The following MACF1 variants were observed in gnomAD, a reference collection of about 807,000 sequenced individuals.
MACF1 encodes the protein microtubule actin crosslinking factor 1, also known as microtubule-actin cross-linking factor 1.
Under a neutral mutation model 854.8 loss-of-function variants are expected in MACF1, and 193 were observed. That is an observed-to-expected ratio of 0.23 (90% CI 0.20 to 0.25). The LOEUF (loss-of-function observed/expected upper bound fraction) is 0.25, where lower values mean the gene tolerates loss of function less well. Ranked by LOEUF, MACF1 falls within the 10% of genes least tolerant of loss-of-function variation. MACF1 has a pLI of 1.00. For synonymous variants in MACF1, 3,185 were observed against 3,226.7 expected, an observed-to-expected ratio of 0.99 and a Z score of 0.44; for missense variants, 7,722 against 8,929.1, an observed-to-expected ratio of 0.86 and a Z score of 5.45.
At chr1:39,310,511 G>A in intron 25 of MACF1, 83 bp downstream of exon 25, 1 of 1,403,714 alleles carries the variant, frequency 7.1e-7, no homozygotes, top group Non-Finnish European at 9.6e-7. Flanking sequence ...ATATAAATGA[G>A]AGAGTAACAT....
At chr1:39,185,928 C>T (rs1047422544) in intron 2 of MACF1, among the ~76,000 whole-genome samples, 1 of 152,074 alleles carries the variant, frequency 6.6e-6, no homozygotes, top group Non-Finnish European at 1.5e-5. Context: ...GATTTGGGAG[C>T]CCCCTGAGGG....
At chr1:39,354,551 T>A (rs915473621) in intron 44 of MACF1, among the ~76,000 whole-genome samples, 2 of 152,148 alleles carry the variant, frequency 1.3e-5, no homozygotes, top group East Asian at 3.9e-4. Flanking sequence ...ATTACAGGCA[T>A]GTGCCACCAT....
At chr1:39,126,764 G>A (rs1237389441) in intron 2 of MACF1, among the ~76,000 whole-genome samples, 1 of 151,260 alleles carries the variant, frequency 6.6e-6, no homozygotes, top group Non-Finnish European at 1.5e-5. Context: ...TCCAGCCTGG[G>A]CAACAGAGCA....
chr1:39,092,194 C>T lies in MACF1; in HGVS notation c.220+7756C>T, dbSNP rs1346111877. ...GGTGGTTTGCATCTATTCTTGCTCT[C>T]CTTTCTTTGGCTTTCGTAGGAAGGA... On this transcript the variant is annotated intron_variant, in intron 2 of 93. Coordinates refer to the MACF1 transcript ENST00000361689. Among the ~76,000 whole-genome samples the T allele has an allele frequency of 3.3e-5, 5 of 152,164 alleles. No individual in the cohort carries two copies. The East Asian group carries it at 9.6e-4, about 29-fold the overall frequency.
At chr1:39,449,712 T>TTTTTTTTTTTTTTTTTG in intron 84 of MACF1, among the ~76,000 whole-genome samples, 1 of 146,100 alleles carries the variant, frequency 6.8e-6, no homozygotes, top group South Asian at 2.2e-4. Flanking sequence ...TTTTTTTTTT[T>TTTTTTTTTTTTTTTTTG]GTCATGTTGA....
chr1:39,402,339 C>G (rs900346106), intron 58 of MACF1, among the ~76,000 whole-genome samples: 1 of 152,168 alleles, frequency 6.6e-6, no homozygotes, highest in African/African-American at 2.4e-5. Context: ...CCCACATCAT[C>G]ACTTTCTCAG....
At chr1:39,091,678 T>C (rs1003937401) in intron 2 of MACF1, among the ~76,000 whole-genome samples, 9 of 152,134 alleles carry the variant, frequency 5.9e-5, no homozygotes, top group Non-Finnish European at 8.8e-5. Flanking sequence ...GTATTTTTAG[T>C]AGAGACCCAT....
intron 40 of MACF1, among the ~76,000 whole-genome samples, chr1:39,342,351 A>G (rs1324504679): frequency 2.0e-5 from 3 of 152,222 alleles, no homozygotes; most frequent in South Asian, 4.1e-4. Context: ...ATAGTGCTGT[A>G]CTGAACATAC....
At chr1:39,404,152 A>AGT (rs1408797256) in intron 58 of MACF1, among the ~76,000 whole-genome samples, 11 of 79,286 alleles carry the variant, frequency 1.4e-4, no homozygotes, top group African/African-American at 9.8e-4. Flanking sequence ...TAAGTAAGTA[A>AGT]ATAAATAAAT....
chr1:39,121,066 T>G (rs1429816828), intron 2 of MACF1: 1 of 152,268 alleles, frequency 6.6e-6, no homozygotes, highest in East Asian at 1.9e-4. Flanking sequence ...TTCTTAAGAA[T>G]AGAGGTTTTT....
At chr1:39,101,376 A>ATG (rs1642071985) in intron 2 of MACF1, among the ~76,000 whole-genome samples, 2 of 100,290 alleles carry the variant, frequency 2.0e-5, no homozygotes, top group South Asian at 4.7e-4. Context: ...AAAAATATGT[A>ATG]TATATATATA....
intron 58 of MACF1, among the ~76,000 whole-genome samples, chr1:39,405,584 T>C (rs1370847890): frequency 6.6e-6 from 1 of 152,182 alleles, no homozygotes; most frequent in Non-Finnish European, 1.5e-5. Context: ...GTGAGGAGAC[T>C]CCACCCGGCT....
In MACF1 at chr1:39,340,646, T is replaced by C. The variant is rs750865827; in HGVS notation, c.10360T>C (p.Ser3454Pro). Residue 3454 changes from serine (S) to proline (P), a missense_variant, in exon 39 of 101, where the codon TCT (serine) becomes CCT (proline). Around this residue, in one of 15 missense-constraint regions of MACF1, gnomAD observed 854 missense variants for 852.6 expected, o/e 1.00. Transcript: ENST00000564288. ...LEKDAKNLQK[S>P]LSSVSDTWNS... ...GAAAGATGCCAAGAATCTTCAGAAG[T>C]CTCTCAGCTCTGTGAGTGACACTTG... 6.2e-7 allele frequency: 1 copy of C among 1,614,180 alleles called. No homozygotes were observed. Among genetic ancestry groups the C allele is most frequent in the South Asian group, 1.1e-5 (1 of 91,076 alleles).
At position 39,340,556 on chromosome 1, in the gene MACF1, T is replaced by G; in HGVS notation, c.10270T>G (p.Cys3424Gly). Reference protein sequence around the residue: ...LTTLVSQELECVNQIIISQPQ... With the variant: ...LTTLVSQELEGVNQIIISQPQ... Reference sequence around the variant, plus strand: ...CACCTTGGTCAGTCAGGAGCTGGAGTGTGTGAATCAGATTATCATCAGCCA... The same window carrying G: ...CACCTTGGTCAGTCAGGAGCTGGAGGGTGTGAATCAGATTATCATCAGCCA... Residue 3424 changes from cysteine to glycine, a missense_variant, in exon 39 of 101, where the codon TGT becomes GGT. Cys to Gly is a radical substitution (Grantham distance 159). This residue lies in a region of MACF1 where 854 missense variants were observed against 852.6 expected (regional missense o/e 1.00). Transcript: ENST00000564288. 1.2e-6 allele frequency: 2 copies of G among 1,613,760 alleles called. No homozygotes were observed.
Position 39,387,621 on chromosome 1 carries a change from T to A in MACF1, c.14779T>A (p.Ser4927Thr). ...PWIEDCKAKM[S>T]ELRVTLDPVQ... ...GATAGAAGATTGTAAAGCTAAGATG[T>A]CTGAGTTGCGAGTCACTCTGGATCC... Residue 4927 changes from serine (S) to threonine (T), a missense_variant, in exon 58 of 101, where the codon TCT becomes ACT. Physicochemically the swap from Ser to Thr is moderately conservative, Grantham distance 58. Around this residue, in one of 15 missense-constraint regions of MACF1, gnomAD observed 2,807 missense variants for 3,235.8 expected, o/e 0.87. Coordinates refer to ENST00000564288, the MANE Select transcript of MACF1 (RefSeq NM_001394062.1). 6.2e-7 allele frequency: 1 copy of A among 1,614,170 alleles called. No individual in the cohort carries two copies.
In MACF1 at chr1:39,190,384, TG is replaced by T. The variant is rs1557508028; in HGVS notation, c.221-40797del. 3.9e-5 allele frequency among the ~76,000 whole-genome samples: 5 copies of T among 127,002 alleles called. 1 individual carries two copies. Among genetic ancestry groups the T allele is most frequent in the African/African-American group, 8.3e-5 (3 of 36,318 alleles). 83.3% of individuals were successfully genotyped at this position (127,002 alleles called of 152,430 possible). Reference sequence around the variant, plus strand: ...TTCTCTTCTTTTGTGTGTGTGTGTGTGTGTGTGTTTGTTTTTGTTTTTTTTT... The same window carrying T: ...TTCTCTTCTTTTGTGTGTGTGTGTGTTGTGTGTTTGTTTTTGTTTTTTTTT... On this transcript the variant is annotated intron_variant, in intron 2 of 93. Transcript: ENST00000361689.
intron 2 of MACF1, among the ~76,000 whole-genome samples, chr1:39,142,878 A>G (rs1643375165): frequency 6.6e-6 from 1 of 152,180 alleles, no homozygotes; most frequent in Non-Finnish European, 1.5e-5. Flanking sequence ...GGTCTCCTAG[A>G]CACAGCTTGG....
chr1:39,347,782 G>A (rs1647088449), intron 41 of MACF1, among the ~76,000 whole-genome samples: 1 of 152,018 alleles, frequency 6.6e-6, no homozygotes, highest in Non-Finnish European at 1.5e-5. Flanking sequence ...ACAGTATAGT[G>A]CCCAGTGCTT....
At chr1:39,406,491 C>A (rs1406815791) in intron 58 of MACF1, among the ~76,000 whole-genome samples, 1 of 152,090 alleles carries the variant, frequency 6.6e-6, no homozygotes, top group East Asian at 1.9e-4. Context: ...GTAATCCCAG[C>A]ACTTTGGGAG....
Sources: gnomAD v4.1 joint callset for allele counts (sites outside exome capture counted in the v4.1 genomes callset) on GRCh38, gnomAD v4.1.1 for gene constraint, gnomAD v4.1.1 regional missense constraint, MANE v1.5 for transcripts, NCBI Gene and HGNC (gene_info 2026-07-23, HGNC 2026-07-21) for gene names.